Variants in RCC2 observed in about 807,000 individuals in gnomAD.
RCC2 encodes protein RCC2.
RCC2 carries 19 observed loss-of-function variants against 64.1 expected under a neutral mutation model. The ratio of observed to expected loss-of-function variants is 0.30; its 90% CI spans 0.21 to 0.44. The LOEUF (loss-of-function observed/expected upper bound fraction) is 0.44. Among genes scored for constraint, RCC2 ranks in the 20% least tolerant of loss-of-function variants. The pLI is 1.00. For synonymous variants in RCC2, 325 were observed against 279.6 expected (o/e 1.16, Z -1.62); for missense variants, 508 against 710.4 (o/e 0.72, Z 3.24).
intron 4 of RCC2, among the ~76,000 whole-genome samples, chr1:17,423,166 G>A (rs2075573972): frequency 6.6e-6 from 1 of 152,268 alleles, no homozygotes; most frequent in Non-Finnish European, 1.5e-5. Flanking sequence ...GAAACACGCC[G>A]TTCCCACTTA....
Position 17,416,585 on chromosome 1 carries a change from TAG to T in RCC2, c.919_920del (p.Leu307SerfsTer10), listed in dbSNP as rs1557623800. 1 of 1,613,972 alleles carries T rather than the reference TAG, an allele frequency of 6.2e-7. No homozygotes were observed. Among genetic ancestry groups the T allele is most frequent in the Admixed American group, 1.7e-5 (1 of 60,006 alleles). On this transcript the variant is annotated frameshift_variant, in exon 8 of 13. Transcript: ENST00000375436. LOFTEE classifies it high-confidence loss of function. ...TGAAGATGGCCACTCGCCGGGGAACTAGTTCACAGTCGTACTCTATCCGCTGT... is the reference window on the plus strand; with the variant it reads ...TGAAGATGGCCACTCGCCGGGGAACTTTCACAGTCGTACTCTATCCGCTGT... ...RAQRIEYDCE[L>X]VPRRVAIFIE...
chr1:17,413,279 G>A lies in RCC2; in HGVS notation c.1208-101C>T, dbSNP rs565570311. On this transcript the variant is annotated intron_variant, in intron 9 of 12. Transcript: ENST00000375436. Reference sequence around the variant, plus strand: ...GAAAAGAGGACGGGATGGCAAACAAGTGTTCTGTCTAAAAGATAACTGGAG... The same window carrying A: ...GAAAAGAGGACGGGATGGCAAACAAATGTTCTGTCTAAAAGATAACTGGAG... 96 of 953,744 alleles carry A rather than the reference G, an allele frequency of 1.0e-4. No homozygotes were observed. The African/African-American group carries it at 1.5e-3, about 15-fold the overall frequency. 59.1% of individuals were successfully genotyped at this position (953,744 alleles called of 1,614,324 possible). A position where few individuals can be genotyped will look rare whatever the true frequency, so the allele number is the denominator to read the frequency against.
At chr1:17,421,186 C>T (rs1385719478) in intron 6 of RCC2, among the ~76,000 whole-genome samples, 1 of 152,002 alleles carries the variant, frequency 6.6e-6, no homozygotes, top group Non-Finnish European at 1.5e-5. Flanking sequence ...CTCACCCCTC[C>T]AACTCAAGTT....
chr1:17,420,175 CACTA>C (rs1271895427), intron 7 of RCC2, among the ~76,000 whole-genome samples: 2 of 152,172 alleles, frequency 1.3e-5, no homozygotes, highest in African/African-American at 4.8e-5. Context: ...ACACTCCCCC[CACTA>C]ACTGAGAACT....
chr1:17,437,295 A>T (rs917763497), intron 2 of RCC2, among the ~76,000 whole-genome samples: 2 of 152,226 alleles, frequency 1.3e-5, no homozygotes, highest in African/African-American at 4.8e-5. Flanking sequence ...TCTACACCCC[A>T]GGTGGAAGTT....
At position 17,425,612 on chromosome 1, in the gene RCC2, C is replaced by T. The variant is rs773167997; in HGVS notation, c.452G>A (p.Arg151Gln). The change falls in exon 4 of 13, where the codon CGG becomes CAG. Residue 151 changes from arginine to glutamine, a missense_variant. Arg to Gln is a conservative substitution (Grantham distance 43, BLOSUM62 1). Coordinates refer to ENST00000375436, the MANE Select transcript of RCC2 (RefSeq NM_018715.4). ...AGCACACGAGCCCGAGACCACTGTC[C>T]GCACCCGGACCCCCGCCAGGCACCC... ...RYGCLAGVRV[R>Q]TVVSGSCAAH... The T allele has an allele frequency of 1.2e-5, 19 of 1,613,964 alleles. No individual in the cohort carries two copies. The highest frequency in any genetic ancestry group is 1.7e-5 in the Admixed American group (1 of 59,998).
At chr1:17,426,442 A>C (rs1227090110) in intron 3 of RCC2, among the ~76,000 whole-genome samples, 1 of 152,086 alleles carries the variant, frequency 6.6e-6, no homozygotes, top group African/African-American at 2.4e-5. Context: ...TGAAAGCTCA[A>C]GTCAAGCACC....
intron 2 of RCC2, among the ~76,000 whole-genome samples, chr1:17,434,990 C>G (rs986048354): frequency 6.6e-6 from 1 of 152,146 alleles, no homozygotes; most frequent in African/African-American, 2.4e-5. Flanking sequence ...GTCATCTCAG[C>G]TACTCAGGAG....
At chr1:17,439,503 C>T (rs2075783435) in intron 1 of RCC2, 42 bp downstream of exon 1, 1 of 148,256 alleles carries the variant, frequency 6.7e-6, no homozygotes, top group African/African-American at 2.5e-5. Context: ...AAAAACTTTC[C>T]CAGACCCCAC....
In RCC2 at chr1:17,422,303, G is replaced by A; in HGVS notation, c.656-12C>T. ...CACGGAGCCCGTTTCTGGAAGAAAG[G>A]AAAAATATCACAAAAGGGAAGATAA... On this transcript the variant is annotated splice_polypyrimidine_tract_variant and intron_variant, in intron 5 of 12. Transcript: ENST00000375436. 3 of 1,600,770 alleles carry A rather than the reference G, an allele frequency of 1.9e-6. No individual in the cohort carries two copies. Among genetic ancestry groups the A allele is most frequent in the Non-Finnish European group, 2.6e-6 (3 of 1,170,720 alleles).
At chr1:17,428,066 T>C (rs929176591) in intron 3 of RCC2, among the ~76,000 whole-genome samples, 2 of 151,928 alleles carry the variant, frequency 1.3e-5, no homozygotes, top group African/African-American at 4.8e-5. Context: ...AACTAGAGAG[T>C]GGGACTCCAA....
At chr1:17,437,794 G>T (rs2075753956) in intron 2 of RCC2, among the ~76,000 whole-genome samples, 1 of 146,196 alleles carries the variant, frequency 6.8e-6, no homozygotes, top group Admixed American at 6.8e-5. Context: ...CCTCCCCGCG[G>T]CGCCCGGGCG....
intron 6 of RCC2, among the ~76,000 whole-genome samples, chr1:17,421,297 C>A (rs2075553297): frequency 6.6e-6 from 1 of 151,966 alleles, no homozygotes; most frequent in Non-Finnish European, 1.5e-5. Flanking sequence ...GAGATGGAGA[C>A]CATCCTGGCC....
At chr1:17,410,513 G>A (rs1274959843) in intron 11 of RCC2, among the ~76,000 whole-genome samples, 1 of 152,210 alleles carries the variant, frequency 6.6e-6, no homozygotes, top group Non-Finnish European at 1.5e-5. Context: ...AGCGTGACAG[G>A]GAGACTATTA....
rs141505547 is a variant in RCC2, at chr1:17,433,021, T to C, written c.286-3822A>G. ...ATATACACTCACACACACATATATA[T>C]ACACACACACACACATATACATACG... On this transcript the variant is annotated intron_variant, in intron 2 of 12. Coordinates refer to ENST00000375436, the MANE Select transcript of RCC2 (RefSeq NM_018715.4). Among the ~76,000 whole-genome samples, 1,145 of 151,604 alleles carry C rather than the reference T, an allele frequency of 7.6e-3. 11 individuals are homozygous for C. The highest frequency in any genetic ancestry group is 9.2e-3 in the Non-Finnish European group (626 of 67,820).
intron 6 of RCC2, among the ~76,000 whole-genome samples, chr1:17,421,420 G>A (rs546724724): frequency 1.3e-5 from 2 of 151,944 alleles, no homozygotes; most frequent in East Asian, 1.9e-4. Context: ...GCTTGAATCC[G>A]GGAGGCAGAG....
chr1:17,439,145 C>G (rs371728884), intron 1 of RCC2, among the ~76,000 whole-genome samples: 21 of 152,162 alleles, frequency 1.4e-4, no homozygotes, highest in African/African-American at 5.1e-4. Context: ...GGGAAGAGCC[C>G]GAAGAAAGCT....
At chr1:17,419,605 G>A (rs2075528376) in intron 7 of RCC2, among the ~76,000 whole-genome samples, 2 of 152,220 alleles carry the variant, frequency 1.3e-5, no homozygotes, top group African/African-American at 2.4e-5. Flanking sequence ...CTGAGCACCT[G>A]CGAATTTGTA....
chr1:17,421,813 G>T (rs1299875514), intron 6 of RCC2, among the ~76,000 whole-genome samples: 1 of 152,110 alleles, frequency 6.6e-6, no homozygotes, highest in Non-Finnish European at 1.5e-5. Flanking sequence ...ATCACCTGAG[G>T]TCAGGAGTTC....
Sources: allele counts gnomAD v4.1 joint callset (sites outside exome capture counted in the v4.1 genomes callset), GRCh38; gene constraint gnomAD v4.1.1; transcripts MANE v1.5; gene names NCBI Gene and HGNC (gene_info 2026-07-23, HGNC 2026-07-21).